HESX1: variants seen among roughly 807,000 people sequenced by gnomAD.
The protein encoded by HESX1 is HESX homeobox 1, also known as homeobox expressed in ES cells 1.
In HESX1, 11 loss-of-function variants were observed where a neutral mutation model predicts 22.5. That is an observed-to-expected ratio of 0.49 (90% CI 0.31 to 0.81). The LOEUF (loss-of-function observed/expected upper bound fraction) is 0.81, where lower values mean the gene tolerates loss of function less well. Among genes scored for constraint, HESX1 ranks in the 30% least tolerant of loss-of-function variants. The probability of loss-of-function intolerance (pLI) is 0.05; values close to 1 mark genes in which losing one functional copy is unlikely to be tolerated. For missense variants in HESX1, 201 were observed against 212.6 expected, an observed-to-expected ratio of 0.95 and a Z score of 0.34; for synonymous variants, 74 against 76.5, an observed-to-expected ratio of 0.97 and a Z score of 0.17.
chr3:57,214,848 C>A (rs370061508), intron 1 of HESX1, among the ~76,000 whole-genome samples: 71 of 152,152 alleles, frequency 4.7e-4, no homozygotes, highest in Non-Finnish European at 2.6e-4. Flanking sequence ...TCCAATATTT[C>A]TAGCTTAGAT....
intron 1 of HESX1, among the ~76,000 whole-genome samples, chr3:57,222,719 A>C (rs1165697858): frequency 1.3e-5 from 2 of 152,248 alleles, no homozygotes; most frequent in South Asian, 2.1e-4. Context: ...TAAAAACCTC[A>C]AAATGGCAAT....
Position 57,198,298 on chromosome 3 carries a change from AAAGTT to A in HESX1, c.460-8_460-4del, listed in dbSNP as rs1559496590. On this transcript the variant is annotated splice_region_variant and splice_polypyrimidine_tract_variant and intron_variant, in intron 3 of 3. Transcript: ENST00000295934. Reference sequence around the variant, plus strand: ...GCACGCCGATTTTGAAACCAAATCTAAAGTTAAGGAAAAATAAAATAGGTCTCAGA... The same window carrying A: ...GCACGCCGATTTTGAAACCAAATCTAAAGGAAAAATAAAATAGGTCTCAGA... The A allele has an allele frequency of 1.2e-6, 2 of 1,606,584 alleles. No individual in the cohort carries two copies. Among genetic ancestry groups the A allele is most frequent in the East Asian group, 2.2e-5 (1 of 44,702 alleles).
chr3:57,202,810 C>T (rs1280435523), upstream of HESX1, among the ~76,000 whole-genome samples: 2 of 152,036 alleles, frequency 1.3e-5, no homozygotes, highest in African/African-American at 4.8e-5. Context: ...ATACAGAGGT[C>T]GATGGTCGAT....
chr3:57,224,201 CTT>C (rs1366995138), intron 1 of HESX1, among the ~76,000 whole-genome samples: 7 of 152,182 alleles, frequency 4.6e-5, no homozygotes, highest in African/African-American at 1.7e-4. Context: ...CCAGCCTGGT[CTT>C]GAACTCTTGA....
At chr3:57,199,354 C>T (rs2060468715) in intron 1 of HESX1, among the ~76,000 whole-genome samples, 1 of 152,110 alleles carries the variant, frequency 6.6e-6, no homozygotes, top group Non-Finnish European at 1.5e-5. Flanking sequence ...CGTGGTGGGT[C>T]ATGCCTGTAA....
chr3:57,212,079 T>TTTA lies in HESX1; in HGVS notation c.-110-12054_-110-12052dup, dbSNP rs531153184. ...AAGTAAGTTTATTGAGTACATTTGGTTTATAACAATTAAAAAGTATTTCAG... is the reference window on the plus strand; with the variant it reads ...AAGTAAGTTTATTGAGTACATTTGGTTTATTATAACAATTAAAAAGTATTTCAG... On this transcript the variant is annotated intron_variant, in intron 1 of 2. Transcript: ENST00000495160. Among the ~76,000 whole-genome samples the TTTA allele has an allele frequency of 1.4e-4, 21 of 152,248 alleles. No individual in the cohort carries two copies. The South Asian group carries it at 4.4e-3, about 32-fold the overall frequency.
chr3:57,227,403 C>A (rs552974462), upstream of HESX1, among the ~76,000 whole-genome samples: 1 of 152,228 alleles, frequency 6.6e-6, no homozygotes, highest in Non-Finnish European at 1.5e-5. Context: ...AGGACTTTCT[C>A]CAAGGTCTCT....
intron 1 of HESX1, among the ~76,000 whole-genome samples, 156 bp downstream of exon 1, chr3:57,199,606 C>A (rs1160520342): frequency 5.5e-5 from 8 of 145,760 alleles, no homozygotes; most frequent in Non-Finnish European, 1.1e-4. Context: ...GCAACAAGAC[C>A]AACACTCTGT....
At position 57,199,767 on chromosome 3, in the gene HESX1, G is replaced by A. The variant is rs2060473006; in HGVS notation, c.152C>T (p.Ser51Leu). 4.3e-6 allele frequency: 7 copies of A among 1,613,972 alleles called. No homozygotes were observed. Among genetic ancestry groups the A allele is most frequent in the African/African-American group, 1.3e-5 (1 of 74,914 alleles). Residue 51 changes from serine to leucine, a missense_variant, in exon 1 of 4, where the codon TCA (serine) becomes TTA (leucine). Coordinates refer to ENST00000295934, the MANE Select transcript of HESX1 (RefSeq NM_003865.3). ...ACAATTAAGCTGTGGCATACCTGAT[G>A]AGCTGCAGGTGTCTGCCCAGGGCCT... ...PHRPWADTCS[S>L]SGKDGNLCLH... is the part of the protein sequence containing the mutation.
chr3:57,223,957 C>A (rs1281950443), intron 1 of HESX1, among the ~76,000 whole-genome samples: 2 of 152,038 alleles, frequency 1.3e-5, no homozygotes, highest in Non-Finnish European at 1.5e-5. Flanking sequence ...ATCTAGGATT[C>A]CTTTTCTAAA....
At chr3:57,199,454 C>T (rs557638562) in intron 1 of HESX1, among the ~76,000 whole-genome samples, 59 of 151,900 alleles carry the variant, frequency 3.9e-4, no homozygotes, top group African/African-American at 1.4e-3. Flanking sequence ...CCCCCCTCTA[C>T]TAAAAAATAC....
chr3:57,204,795 T>A (rs545605829), upstream of HESX1, among the ~76,000 whole-genome samples: 78 of 109,216 alleles, frequency 7.1e-4, no homozygotes, highest in Middle Eastern at 0.017. Context: ...TGAAACCTTG[T>A]CTCAAAAAAA....
At chr3:57,199,995 T>G (rs2060475620), upstream of HESX1, 2 of 1,286,194 alleles carry the variant, frequency 1.6e-6, no homozygotes, top group Non-Finnish European at 2.3e-6. Context: ...GGGATCTTCC[T>G]GCAGTTCACC....
chr3:57,205,582 C>G (rs1451453328), intron 1 of HESX1, among the ~76,000 whole-genome samples: 2 of 152,184 alleles, frequency 1.3e-5, no homozygotes, highest in African/African-American at 2.4e-5. Flanking sequence ...ATATCTGGCA[C>G]AGTCTTCCCT....
chr3:57,206,839 C>A (rs776257412), intron 1 of HESX1, among the ~76,000 whole-genome samples: 1 of 152,206 alleles, frequency 6.6e-6, no homozygotes, highest in Non-Finnish European at 1.5e-5. Flanking sequence ...CAAAGATCAT[C>A]AAGCATCTGA....
chr3:57,211,143 G>A (rs905767769), intron 1 of HESX1, among the ~76,000 whole-genome samples: 12 of 150,936 alleles, frequency 8.0e-5, no homozygotes, highest in South Asian at 4.2e-4. Context: ...GCTTGAACCC[G>A]GGAGGTGGAG....
At chr3:57,201,930 T>TC (rs36058153), upstream of HESX1, among the ~76,000 whole-genome samples, 5 of 148,630 alleles carry the variant, frequency 3.4e-5, no homozygotes, top group South Asian at 1.1e-3. Flanking sequence ...TATCTATCTA[T>TC]TTTTTTGAGA....
chr3:57,206,608 A>C (rs1215471387), intron 1 of HESX1, among the ~76,000 whole-genome samples: 1 of 152,252 alleles, frequency 6.6e-6, no homozygotes, highest in Non-Finnish European at 1.5e-5. Flanking sequence ...AACTGCGAGC[A>C]GTGATCAGTA....
chr3:57,222,568 T>A lies in HESX1; in HGVS notation c.-111+3728A>T, dbSNP rs548042442. Among the ~76,000 whole-genome samples the A allele has an allele frequency of 6.6e-5, 10 of 152,274 alleles. No individual in the cohort carries two copies. In the South Asian group the frequency reaches 2.1e-3, roughly 32 times the overall value. ...GCCACCGCCCCCAGCCTATGAGCAA[T>A]TTTTTCCCCAATGATTTGACTGTTC... is the stretch of plus-strand genomic sequence containing the variant. On this transcript the variant is annotated intron_variant, in intron 1 of 2. Transcript: ENST00000495160.
Sources: allele counts gnomAD v4.1 joint callset (sites outside exome capture counted in the v4.1 genomes callset), GRCh38; gene constraint gnomAD v4.1.1; transcripts MANE v1.5; gene names NCBI Gene and HGNC (gene_info 2026-07-23, HGNC 2026-07-21).